CACNA1S: variants seen among roughly 807,000 people sequenced by gnomAD.
CACNA1S encodes calcium voltage-gated channel subunit alpha1 S, also known as voltage-dependent L-type calcium channel subunit alpha-1S.
CACNA1S carries 126 observed loss-of-function variants against 207.4 expected under a neutral mutation model. The ratio of observed to expected loss-of-function variants is 0.61; its 90% CI spans 0.53 to 0.70. CACNA1S has a LOEUF of 0.70. CACNA1S is among the 30% of genes least tolerant of loss of function. CACNA1S has a pLI of 0.00. For missense variants in CACNA1S, 2,349 were observed against 2,422.8 expected, an observed-to-expected ratio of 0.97 and a Z score of 0.64; for synonymous variants, 960 against 932.7, an observed-to-expected ratio of 1.03 and a Z score of -0.53.
chr1:201,105,934 C>T (rs1172804863), intron 2 of CACNA1S, among the ~76,000 whole-genome samples: 1 of 152,166 alleles, frequency 6.6e-6, no homozygotes, highest in Non-Finnish European at 1.5e-5. Flanking sequence ...CCCTGCCCCA[C>T]CCAGCCAGTT....
chr1:201,100,106 G>A (rs564454805), intron 2 of CACNA1S, among the ~76,000 whole-genome samples: 3 of 152,364 alleles, frequency 2.0e-5, no homozygotes, highest in East Asian at 3.9e-4. Context: ...CAGAATAGCT[G>A]CAGTGATCCC....
chr1:201,092,852 C>A (rs1662288469), intron 3 of CACNA1S, among the ~76,000 whole-genome samples: 1 of 152,220 alleles, frequency 6.6e-6, no homozygotes, highest in Non-Finnish European at 1.5e-5. Flanking sequence ...CCAACACCAT[C>A]CTTACGGAAC....
intron 2 of CACNA1S, among the ~76,000 whole-genome samples, chr1:201,096,017 A>G (rs1662412936): frequency 6.6e-6 from 1 of 152,200 alleles, no homozygotes; most frequent in Non-Finnish European, 1.5e-5. Flanking sequence ...AGAGGGATAG[A>G]CAGAAGTGGG....
chr1:201,080,469 C>T (rs149510490), intron 10 of CACNA1S, among the ~76,000 whole-genome samples: 48 of 152,178 alleles, frequency 3.2e-4, no homozygotes, highest in African/African-American at 1.1e-3. Flanking sequence ...ACGGTGCTCT[C>T]GAGAAGATTG....
intron 28 of CACNA1S, among the ~76,000 whole-genome samples, chr1:201,055,051 G>A (rs1660792619): frequency 6.6e-6 from 1 of 152,228 alleles, no homozygotes; most frequent in Non-Finnish European, 1.5e-5. Flanking sequence ...AATCCCCACA[G>A]CAGATGTTTC....
At chr1:201,096,334 G>A (rs550078234) in intron 2 of CACNA1S, among the ~76,000 whole-genome samples, 1 of 152,344 alleles carries the variant, frequency 6.6e-6, no homozygotes, top group East Asian at 1.9e-4. Context: ...CGGAGGAGAG[G>A]GAAAAGGGAT....
chr1:201,107,039 C>T (rs1325313), intron 2 of CACNA1S, among the ~76,000 whole-genome samples: 80,514 of 152,096 alleles, frequency 0.53, 22,728 homozygotes, highest in East Asian at 0.81. Context: ...GGCAAAACAT[C>T]AAGCTGAGAG....
intron 2 of CACNA1S, among the ~76,000 whole-genome samples, chr1:201,094,992 T>A (rs1358068606): frequency 6.6e-6 from 1 of 152,040 alleles, no homozygotes; most frequent in Non-Finnish European, 1.5e-5. Flanking sequence ...CTTGCAGCCA[T>A]CTGAACCCTG....
rs761818903 is a variant in CACNA1S at position 201,040,086 on chromosome 1, C to A, written c.5371-4G>T. On this transcript the variant is annotated splice_region_variant and splice_polypyrimidine_tract_variant and intron_variant, in intron 43 of 43. Transcript: ENST00000362061. ...CCAGGCCCCCTCGAACCAGAGCCTG[C>A]AGGGAGGAGAGTAGGCTGAGTGGGG... 1.9e-6 allele frequency: 3 copies of A among 1,614,186 alleles called. No individual in the cohort carries two copies. The highest frequency in any genetic ancestry group is 2.5e-6 in the Non-Finnish European group (3 of 1,180,010).
chr1:201,086,837 T>A (rs1462441491), intron 7 of CACNA1S, among the ~76,000 whole-genome samples: 1 of 152,278 alleles, frequency 6.6e-6, no homozygotes, highest in African/African-American at 2.4e-5. Context: ...TCGCAACAAC[T>A]GTAATGTGAC....
At chr1:201,065,528 A>G (rs1661208274) in intron 22 of CACNA1S, among the ~76,000 whole-genome samples, 1 of 152,128 alleles carries the variant, frequency 6.6e-6, no homozygotes, top group African/African-American at 2.4e-5. Flanking sequence ...TTAAATTTCA[A>G]CTCAGTAGAC....
intron 9 of CACNA1S, 27 bp from the exon 10 acceptor site, chr1:201,083,349 A>G: frequency 1.2e-6 from 2 of 1,613,350 alleles, no homozygotes; most frequent in Non-Finnish European, 8.5e-7. Context: ...AGGATGGTCT[A>G]CAGTGCTGTG....
In CACNA1S at chr1:201,053,688, T is replaced by C; in HGVS notation, c.3667-101A>G. The C allele has an allele frequency of 7.8e-7, 1 of 1,290,086 alleles. No individual in the cohort carries two copies. 79.9% of individuals were successfully genotyped at this position (1,290,086 alleles called of 1,614,324 possible). Reference sequence around the variant, plus strand: ...TGCACTGTGTGTTTTGGGGAGATGTTTGTGGCATGGAGGAACTCCAGCCCC... The same window carrying C: ...TGCACTGTGTGTTTTGGGGAGATGTCTGTGGCATGGAGGAACTCCAGCCCC... On this transcript the variant is annotated intron_variant, in intron 29 of 43. Coordinates refer to ENST00000362061, the MANE Select transcript of CACNA1S (RefSeq NM_000069.3). The surrounding 1 kb of genome is among the most constrained non-coding windows in gnomAD (Gnocchi z 5.1).
intron 1 of CACNA1S, among the ~76,000 whole-genome samples, chr1:201,110,649 T>G (rs1161128435): frequency 6.6e-6 from 1 of 152,158 alleles, no homozygotes; most frequent in Non-Finnish European, 1.5e-5. Context: ...TTCTGGCCAA[T>G]CCACAGAGGC....
rs1421864888 is a variant in CACNA1S, at chr1:201,062,518, C to A, written c.2854-4G>T. The A allele has an allele frequency of 6.2e-7, 1 of 1,608,118 alleles. No individual in the cohort carries two copies. Among genetic ancestry groups the A allele is most frequent in the Non-Finnish European group, 8.5e-7 (1 of 1,174,964 alleles). On this transcript the variant is annotated splice_region_variant and splice_polypyrimidine_tract_variant and intron_variant, in intron 22 of 43. Coordinates refer to ENST00000362061, the MANE Select transcript of CACNA1S (RefSeq NM_000069.3). Reference sequence around the variant, plus strand: ...CGGTGCACCTGAAGAACTTCCCCTGCAGCCAGGAAGAGGGAGGGAGGGAGG... The same window carrying A: ...CGGTGCACCTGAAGAACTTCCCCTGAAGCCAGGAAGAGGGAGGGAGGGAGG...
chr1:201,047,251 C>A lies in CACNA1S; in HGVS notation c.4544-12G>T. On this transcript the variant is annotated splice_polypyrimidine_tract_variant and intron_variant, in intron 37 of 43. Transcript: ENST00000362061. Reference sequence around the variant, plus strand: ...TGTCACCTCATCATCTGCAGAGGAGCCAACAAGAGATGCCCTGAAGGCTAG... The same window carrying A: ...TGTCACCTCATCATCTGCAGAGGAGACAACAAGAGATGCCCTGAAGGCTAG... 1.2e-6 allele frequency: 2 copies of A among 1,614,184 alleles called. No homozygotes were observed. The highest frequency in any genetic ancestry group is 1.7e-6 in the Non-Finnish European group (2 of 1,180,024).
Position 201,077,104 on chromosome 1 carries a change from A to G in CACNA1S, c.1643T>C (p.Leu548Pro). ...ITKYWTSLSN[L>P]VASLLNSIRS... is the part of the protein sequence containing the mutation. ...GATGGAGTTGAGCAGGGATGCCACC[A>G]GGTTGCTCAGCGACGTCCAATATCT... Residue 548 changes from leucine (L) to proline (P), a missense_variant, in exon 12 of 44, where the codon CTG becomes CCG. Coordinates refer to ENST00000362061, the MANE Select transcript of CACNA1S (RefSeq NM_000069.3). The G allele has an allele frequency of 6.2e-7, 1 of 1,614,132 alleles. No homozygotes were observed. The highest frequency in any genetic ancestry group is 8.5e-7 in the Non-Finnish European group (1 of 1,180,000).
At chr1:201,059,544 C>G (rs1660970011) in intron 26 of CACNA1S, among the ~76,000 whole-genome samples, 3 of 152,216 alleles carry the variant, frequency 2.0e-5, no homozygotes, top group African/African-American at 7.2e-5. Flanking sequence ...GGGAGGGGCT[C>G]CAATTCCAAG....
chr1:201,068,826 A>T (rs2102130044), intron 19 of CACNA1S, among the ~76,000 whole-genome samples: 1 of 152,190 alleles, frequency 6.6e-6, no homozygotes, highest in South Asian at 2.1e-4. Flanking sequence ...GAGCTGAGAT[A>T]GTGCCATTGC....
Sources: allele counts gnomAD v4.1 joint callset (sites outside exome capture counted in the v4.1 genomes callset), GRCh38; gene constraint gnomAD v4.1.1; non-coding constraint Gnocchi (gnomAD v3.1); transcripts MANE v1.5; gene names NCBI Gene and HGNC (gene_info 2026-07-23, HGNC 2026-07-21).